The following DNAH12 variants were observed in gnomAD, a reference collection of about 807,000 sequenced individuals.
DNAH12 encodes axonemal beta dynein heavy chain 12.
In DNAH12, 285 loss-of-function variants were observed where a neutral mutation model predicts 371.5. The observed-to-expected ratio is 0.77, with a 90% CI of 0.70 to 0.85. The LOEUF (loss-of-function observed/expected upper bound fraction) is 0.85. Ranked by LOEUF, DNAH12 falls within the 40% of genes least tolerant of loss-of-function variation. DNAH12 has a pLI of 0.00. For missense variants in DNAH12, 3,611 were observed against 3,689.4 expected, an observed-to-expected ratio of 0.98 and a Z score of 0.55; for synonymous variants, 1,200 against 1,213.0, an observed-to-expected ratio of 0.99 and a Z score of 0.22.
chr3:57,518,247 G>A (rs111526085), intron 4 of DNAH12, among the ~76,000 whole-genome samples: 77 of 151,128 alleles, frequency 5.1e-4, no homozygotes, highest in Non-Finnish European at 8.6e-4. Flanking sequence ...ATTCCTGGCC[G>A]GGCACGGTGG....
At chr3:57,424,669 G>C (rs763400337) in intron 35 of DNAH12, among the ~76,000 whole-genome samples, 4 of 151,420 alleles carry the variant, frequency 2.6e-5, no homozygotes, top group Non-Finnish European at 5.9e-5. Context: ...TCAGCTACTC[G>C]GGAGGCTGAG....
At position 57,295,672 on chromosome 3, in the gene DNAH12, C is replaced by T. The variant is rs1339328479; in HGVS notation, c.11625-80G>A. ...GAACAGATTGCTACTTAGATATTGG[C>T]TTTTACTAAAAGAAAGGACTAGAGG... On this transcript the variant is annotated intron_variant, in intron 72 of 73. Transcript: ENST00000495027. 4.0e-6 allele frequency: 5 copies of T among 1,255,312 alleles called. No individual in the cohort carries two copies. The African/African-American group carries it at 4.6e-5, about 12-fold the overall frequency. The allele number at this position is 1,255,312 out of a possible 1,614,324, so 77.8% of individuals were successfully genotyped here.
chr3:57,529,542 A>G (rs2068768073), intron 2 of DNAH12, among the ~76,000 whole-genome samples: 1 of 152,202 alleles, frequency 6.6e-6, no homozygotes, highest in Admixed American at 6.5e-5. Context: ...CATCATAGCC[A>G]CTAATGATCC....
chr3:57,548,843 C>T (rs186597314), upstream of DNAH12: 97 of 152,308 alleles, frequency 6.4e-4, 2 homozygotes, highest in Admixed American at 6.3e-3. Context: ...AAGCAGTGCT[C>T]ATTTCGGCAG....
chr3:57,533,312 G>T (rs539196861), intron 2 of DNAH12, among the ~76,000 whole-genome samples: 1 of 152,232 alleles, frequency 6.6e-6, no homozygotes, highest in African/African-American at 2.4e-5. Flanking sequence ...CCAAGAGCCC[G>T]CTTGGTGCTC....
At chr3:57,554,932 A>T in the DNAH12 span, among the ~76,000 whole-genome samples, 1 of 152,126 alleles carries the variant, frequency 6.6e-6, no homozygotes, top group African/African-American at 2.4e-5. Flanking sequence ...AAGACCTTTA[A>T]AAGAAATAGC....
upstream of DNAH12, among the ~76,000 whole-genome samples, chr3:57,548,220 A>G (rs2069593942): frequency 1.3e-5 from 2 of 152,310 alleles, no homozygotes; most frequent in South Asian, 4.1e-4. Context: ...TATTAATAAC[A>G]TGTTCATATA....
chr3:57,330,229 C>T (rs368089706), intron 62 of DNAH12, among the ~76,000 whole-genome samples: 92 of 151,406 alleles, frequency 6.1e-4, no homozygotes, highest in Non-Finnish European at 1.1e-3. Context: ...ACCCAAAGGA[C>T]TATAAATCAT....
At chr3:57,523,352 C>T (rs1405563697) in intron 4 of DNAH12, among the ~76,000 whole-genome samples, 1 of 152,104 alleles carries the variant, frequency 6.6e-6, no homozygotes, top group Non-Finnish European at 1.5e-5. Flanking sequence ...CACTGCCCTC[C>T]AGCCTTGGTG....
intron 2 of DNAH12, among the ~76,000 whole-genome samples, chr3:57,540,336 C>T (rs188750960): frequency 6.6e-6 from 1 of 152,144 alleles, no homozygotes; most frequent in Admixed American, 6.5e-5. Flanking sequence ...CAGGTGTAAG[C>T]CACCGTCTGT....
chr3:57,502,241 C>T (rs1259947110), intron 10 of DNAH12, 82 bp downstream of exon 10: 1 of 1,548,552 alleles, frequency 6.5e-7, no homozygotes, highest in Non-Finnish European at 8.8e-7. Context: ...TCATGGCAGC[C>T]CCAGACAAAC....
intron 11 of DNAH12, among the ~76,000 whole-genome samples, chr3:57,494,789 G>A (rs1050688842): frequency 1.3e-5 from 2 of 151,836 alleles, no homozygotes; most frequent in South Asian, 2.1e-4. Context: ...CAGGCAGATC[G>A]CTTGAGCTCA....
chr3:57,403,556 G>T, intron 42 of DNAH12, 55 bp from the exon 43 acceptor site: 2 of 1,418,710 alleles, frequency 1.4e-6, no homozygotes, highest in Non-Finnish European at 1.9e-6. Flanking sequence ...TAAATGTATA[G>T]TTACATGTAA....
At chr3:57,374,408 C>T (rs1035418021) in intron 55 of DNAH12, among the ~76,000 whole-genome samples, 142 of 152,128 alleles carry the variant, frequency 9.3e-4, no homozygotes, top group African/African-American at 3.2e-3. Context: ...CACTACATAA[C>T]CATTATAGAA....
intron 25 of DNAH12, among the ~76,000 whole-genome samples, chr3:57,449,743 G>T (rs1049667471): frequency 2.6e-5 from 4 of 152,182 alleles, no homozygotes; most frequent in Non-Finnish European, 5.9e-5. Context: ...ACACCTCCCT[G>T]CAAGCTGAGG....
chr3:57,504,208 C>T lies in DNAH12; in HGVS notation c.898-4G>A, dbSNP rs766605177. ...TTCTCCTTAATAGATCCTTTAGCTG[C>T]GTGATATAAATCACTGTTACTTTAG... On this transcript the variant is annotated splice_region_variant and splice_polypyrimidine_tract_variant and intron_variant, in intron 8 of 73. Transcript: ENST00000495027. 3.6e-5 allele frequency: 57 copies of T among 1,599,320 alleles called. No homozygotes were observed. The highest frequency in any genetic ancestry group is 5.1e-5 in the Admixed American group (3 of 58,712).
In DNAH12 at chr3:57,528,038, T is replaced by C. The variant is rs566364248; in HGVS notation, c.171-4154A>G. 3.9e-5 allele frequency among the ~76,000 whole-genome samples: 6 copies of C among 151,902 alleles called. No individual in the cohort carries two copies. The South Asian group carries it at 1.2e-3, about 32-fold the overall frequency. On this transcript the variant is annotated intron_variant, in intron 2 of 73. Coordinates refer to ENST00000495027, the MANE Select transcript of DNAH12 (RefSeq NM_001366028.2). ...TTTAAGTCTTTTTTTAATCTATTTA[T>C]TTTTTTTGAGACAGAGTTTCGCTCT...
rs1386128958 is a variant in DNAH12, at chr3:57,508,213, AAC to A, written c.701+167_701+168del. Among the ~76,000 whole-genome samples, 58 of 148,384 alleles carry A rather than the reference AAC, an allele frequency of 3.9e-4. No homozygotes were observed. The South Asian group carries it at 4.3e-3, about 11-fold the overall frequency. ...GGAAAAAAAAAACAAAAAAAAAAAA[AAC>A]CAAAAAAAACCCACACAATTGTTGA... On this transcript the variant is annotated intron_variant, in intron 7 of 73. Coordinates refer to ENST00000495027, the MANE Select transcript of DNAH12 (RefSeq NM_001366028.2).
Position 57,440,715 on chromosome 3 carries a change from T to C in DNAH12, c.4546-3655A>G, listed in dbSNP as rs9871633. The stretch of plus-strand genomic sequence containing the variant: ...TAAAAATAAGTAAATAGGCCAGGAG[T>C]GGTGGCTCATGCCTGTAATCCCAGC... On this transcript the variant is annotated intron_variant, in intron 29 of 73. Coordinates refer to ENST00000495027, the MANE Select transcript of DNAH12 (RefSeq NM_001366028.2). 4.7e-4 allele frequency among the ~76,000 whole-genome samples: 71 copies of C among 151,874 alleles called. 3 individuals are homozygous for C. The highest frequency in any genetic ancestry group is 6.8e-3 in the Middle Eastern group (2 of 294).
Sources: gnomAD v4.1 joint callset for allele counts (sites outside exome capture counted in the v4.1 genomes callset) on GRCh38, gnomAD v4.1.1 for gene constraint, MANE v1.5 for transcripts, NCBI Gene and HGNC (gene_info 2026-07-23, HGNC 2026-07-21) for gene names.